The following CCDC7 variants were observed in gnomAD, a reference collection of about 807,000 sequenced individuals.
CCDC7 encodes the protein coiled-coil domain containing 7.
Under a neutral mutation model 196.9 loss-of-function variants are expected in CCDC7, and 183 were observed. That is an observed-to-expected ratio of 0.93 (90% CI 0.82 to 1.05). CCDC7 has a LOEUF of 1.05. Among genes scored for constraint, CCDC7 ranks in the 50% least tolerant of loss-of-function variants. The pLI, the probability that CCDC7 is intolerant of heterozygous loss-of-function variation, is 0.00. For missense variants in CCDC7, 1,540 were observed against 1,482.2 expected (o/e 1.04, Z -0.64); for synonymous variants, 525 against 484.6 (o/e 1.08, Z -1.10).
chr10:32,736,400 A>G (rs1197943184), intron 28 of CCDC7, among the ~76,000 whole-genome samples: 4 of 151,848 alleles, frequency 2.6e-5, no homozygotes, highest in South Asian at 2.1e-4. Flanking sequence ...ATTTTAGTTT[A>G]TTATTATACT....
chr10:32,583,165 C>T (rs988218845), exon 17 of CCDC7: 34 of 1,231,386 alleles, frequency 2.8e-5, no homozygotes, highest in South Asian at 8.2e-5. Context: ...AAATCTCCAT[C>T]AGAGACCCAT....
At chr10:32,833,808 A>C (rs1406520222) in intron 32 of CCDC7, among the ~76,000 whole-genome samples, 1 of 152,072 alleles carries the variant, frequency 6.6e-6, no homozygotes, top group African/African-American at 2.4e-5. Flanking sequence ...GGGATGTACC[A>C]ATGGGTCATT....
At chr10:32,515,089 G>A (rs2046819798) in intron 9 of CCDC7, among the ~76,000 whole-genome samples, 1 of 152,258 alleles carries the variant, frequency 6.6e-6, no homozygotes, top group African/African-American at 2.4e-5. Context: ...GCCTCCCAAA[G>A]TTCTGTGATT....
At position 32,845,268 on chromosome 10, in the gene CCDC7, T is replaced by C. The variant is rs773990548; in HGVS notation, c.3378T>C (p.Asp1126=). 265 of 1,573,226 alleles carry C rather than the reference T, an allele frequency of 1.7e-4. 1 individual carries two copies. The highest frequency in any genetic ancestry group is 2.1e-4 in the Non-Finnish European group (243 of 1,157,630). The change falls in exon 34 of 42, where the codon GAT becomes GAC. Residue 1126 remains aspartate, a synonymous_variant. Coordinates refer to ENST00000639629, the Ensembl canonical transcript of CCDC7. ...AGACTGATAAGGAACACTTAGCAGA[T>C]GATACTGGAAGAGGTATAATAAAGG...
intron 33 of CCDC7, among the ~76,000 whole-genome samples, chr10:32,837,932 G>T (rs1188064440): frequency 7.6e-6 from 1 of 132,198 alleles, no homozygotes; most frequent in Non-Finnish European, 1.6e-5. Flanking sequence ...TTGTGGGGTC[G>T]GGGGAGGGGG....
intron 30 of CCDC7, among the ~76,000 whole-genome samples, chr10:32,806,819 C>A (rs2085946931): frequency 6.6e-6 from 1 of 152,110 alleles, no homozygotes; most frequent in South Asian, 2.1e-4. Context: ...AATCTATAAT[C>A]ACACTCATAG....
chr10:32,845,599 A>G lies in CCDC7; in HGVS notation c.3493A>G (p.Thr1165Ala), dbSNP rs752505788. Reference sequence around the variant, plus strand: ...TGGAAGAGGTCTAATGAAGGAGTCAACCACGACACAATTAAAAAGTCACCC... The same window carrying G: ...TGGAAGAGGTCTAATGAAGGAGTCAGCCACGACACAATTAAAAAGTCACCC... Residue 1165 changes from threonine to alanine, a missense_variant, in exon 35 of 42, where the codon ACC becomes GCC. Coordinates refer to ENST00000639629, the Ensembl canonical transcript of CCDC7. 5 of 1,612,704 alleles carry G rather than the reference A, an allele frequency of 3.1e-6. No homozygotes were observed. In the East Asian group the frequency reaches 6.7e-5, roughly 22 times the overall value.
chr10:32,517,960 A>G (rs1315050115), exon 10 of CCDC7: 1 of 1,590,300 alleles, frequency 6.3e-7, no homozygotes, highest in South Asian at 1.1e-5. Context: ...TAAATGATCA[A>G]GTTTTGTTAG....
chr10:32,662,093 C>G (rs1241052384), intron 20 of CCDC7, among the ~76,000 whole-genome samples: 2 of 152,156 alleles, frequency 1.3e-5, no homozygotes, highest in Non-Finnish European at 2.9e-5. Context: ...TGGGCATCAG[C>G]TGAGTTTAGC....
intron 33 of CCDC7, among the ~76,000 whole-genome samples, chr10:32,835,633 T>C (rs917099860): frequency 6.6e-6 from 1 of 152,022 alleles, no homozygotes; most frequent in Non-Finnish European, 1.5e-5. Context: ...AGCTAAATGA[T>C]GAGAGCATAT....
chr10:32,720,181 G>A (rs2082193163), intron 25 of CCDC7, among the ~76,000 whole-genome samples: 1 of 152,058 alleles, frequency 6.6e-6, no homozygotes, highest in Admixed American at 6.6e-5. Flanking sequence ...AGAAAACATG[G>A]CACATATACA....
At chr10:32,706,955 C>T (rs1209674106) in intron 24 of CCDC7, among the ~76,000 whole-genome samples, 2 of 152,190 alleles carry the variant, frequency 1.3e-5, no homozygotes, top group Admixed American at 6.5e-5. Flanking sequence ...AGGGAATCCT[C>T]CCCAACTCAT....
At chr10:32,480,284 A>G (rs1401199474) in intron 8 of CCDC7, among the ~76,000 whole-genome samples, 1 of 150,954 alleles carries the variant, frequency 6.6e-6, no homozygotes, top group African/African-American at 2.4e-5. Context: ...ACATTACGTT[A>G]TTTGAGCTCT....
chr10:32,480,766 C>T (rs2039822434), intron 8 of CCDC7, among the ~76,000 whole-genome samples: 1 of 152,166 alleles, frequency 6.6e-6, no homozygotes, highest in African/African-American at 2.4e-5. Flanking sequence ...ACTGGCCTAA[C>T]ACAAGATCTG....
At chr10:32,614,717 A>C (rs1041714610) in intron 18 of CCDC7, among the ~76,000 whole-genome samples, 2 of 152,104 alleles carry the variant, frequency 1.3e-5, no homozygotes, top group African/African-American at 4.8e-5. Flanking sequence ...GCTGGTACTC[A>C]CACACACCAC....
At chr10:32,773,271 T>C (rs561771968) in intron 28 of CCDC7, among the ~76,000 whole-genome samples, 2 of 152,298 alleles carry the variant, frequency 1.3e-5, no homozygotes, top group East Asian at 1.9e-4. Context: ...TAGGCCTTTT[T>C]CTCTCTTCTA....
At chr10:32,634,554 G>T (rs532393098) in intron 19 of CCDC7, among the ~76,000 whole-genome samples, 190 bp downstream of exon 20, 3 of 152,126 alleles carry the variant, frequency 2.0e-5, no homozygotes, top group South Asian at 2.1e-4. Context: ...ACGTCACCAT[G>T]CCTGGCTAAT....
At chr10:32,665,163 G>A (rs193147157) in intron 21 of CCDC7, among the ~76,000 whole-genome samples, 59 of 152,010 alleles carry the variant, frequency 3.9e-4, no homozygotes, top group African/African-American at 1.3e-3. Context: ...TGCGTTGATT[G>A]TTTTCTAACT....
intron 32 of CCDC7, among the ~76,000 whole-genome samples, chr10:32,831,721 A>G (rs2135902935): frequency 6.6e-6 from 1 of 152,292 alleles, no homozygotes; most frequent in Admixed American, 6.5e-5. Flanking sequence ...GCCCCAGTGG[A>G]AAGTCTTCAG....
Sources: gnomAD v4.1 joint callset for allele counts (sites outside exome capture counted in the v4.1 genomes callset) on GRCh38, gnomAD v4.1.1 for gene constraint, MANE v1.5 for transcripts, NCBI Gene and HGNC (gene_info 2026-07-23, HGNC 2026-07-21) for gene names.